Variants in USP36 observed in about 807,000 individuals in gnomAD.
The protein encoded by USP36 is ubiquitin carboxyl-terminal hydrolase 36.
A neutral mutation model predicts 111.5 loss-of-function variants in USP36; 59 were observed. The observed-to-expected ratio is 0.53, with a 90% CI of 0.43 to 0.66. USP36 has a LOEUF of 0.66. Ranked by LOEUF, USP36 falls within the 30% of genes least tolerant of loss-of-function variation. The pLI is 0.00. For synonymous variants in USP36, 628 were observed against 581.0 expected (o/e 1.08, Z -1.16); for missense variants, 1,488 against 1,468.0 (o/e 1.01, Z -0.22).
At position 78,802,378 on chromosome 17, in the gene USP36, C is replaced by A; in HGVS notation, c.2968G>T (p.Glu990Ter). 1 of 1,606,760 alleles carries A rather than the reference C, an allele frequency of 6.2e-7. No individual in the cohort carries two copies. Among genetic ancestry groups the A allele is most frequent in the Non-Finnish European group, 8.5e-7 (1 of 1,176,872 alleles). Residue 990 changes from glutamate to a stop codon, truncating the protein, a stop_gained, in exon 17 of 21, where the codon GAG (glutamate) becomes TAG (stop). Coordinates refer to ENST00000449938, the MANE Select transcript of USP36 (RefSeq NM_001385174.1). LOFTEE classifies it high-confidence loss of function. ...GCGGATGGTGCGCAGCTGCTGGACTCGGGGACAACAGCATCTTGGGGCTTG... is the reference window on the plus strand; with the variant it reads ...GCGGATGGTGCGCAGCTGCTGGACTAGGGGACAACAGCATCTTGGGGCTTG... ...SAKPQDAVVP[E>*]SSSCAPSANG...
In USP36 at chr17:78,836,358, T is replaced by C. The variant is rs1163430359; in HGVS notation, c.6A>G (p.Pro2=). Reference sequence around the variant, plus strand: ...GGGCCTCCTTCAACTTATCCACTATTGGCATGGTGCATCACTGTGGGGACA... The same window carrying C: ...GGGCCTCCTTCAACTTATCCACTATCGGCATGGTGCATCACTGTGGGGACA... M[P]IVDKLKEALK... Residue 2 remains proline (P), a synonymous_variant, in exon 3 of 21, where the codon CCA becomes CCG. Coordinates refer to ENST00000449938, the MANE Select transcript of USP36 (RefSeq NM_001385174.1). 1.2e-6 allele frequency: 2 copies of C among 1,613,924 alleles called. No individual in the cohort carries two copies. The highest frequency in any genetic ancestry group is 1.7e-6 in the Non-Finnish European group (2 of 1,179,992).
rs776618341 is a variant in USP36 at position 78,803,561 on chromosome 17, G to A, written c.2634C>T (p.Gly878=). The part of the protein sequence containing the change: ...QPGSPMYRRE[G]QAQLPAVRRQ... ...GTCTGACAGCGGGCAGCTGTGCCTG[G>A]CCCTCCCTCCTGTACATGGGGCTCC... is the stretch of plus-strand genomic sequence containing the variant. The change falls in exon 16 of 21, where the codon GGC becomes GGT. Residue 878 remains glycine (G), a synonymous_variant. Transcript: ENST00000449938. The surrounding 1 kb of genome is among the most constrained non-coding windows in gnomAD (Gnocchi z 4.6). The A allele has an allele frequency of 1.2e-6, 2 of 1,613,320 alleles. No homozygotes were observed. Among genetic ancestry groups the A allele is most frequent in the South Asian group, 2.2e-5 (2 of 91,074 alleles).
At chr17:78,811,170 G>GAC (rs1464249427) in intron 13 of USP36, among the ~76,000 whole-genome samples, 6 of 137,658 alleles carry the variant, frequency 4.4e-5, no homozygotes, top group Non-Finnish European at 7.8e-5. Flanking sequence ...CAGTCATCAA[G>GAC]AGGGTCCACC....
In USP36 at chr17:78,807,305, G is replaced by C. The variant is rs753827258; in HGVS notation, c.1739C>G (p.Ser580Cys). 2.5e-6 allele frequency: 4 copies of C among 1,614,072 alleles called. No individual in the cohort carries two copies. Among genetic ancestry groups the C allele is most frequent in the African/African-American group, 1.3e-5 (1 of 74,940 alleles). Residue 580 changes from serine (S) to cysteine (C), a missense_variant, in exon 14 of 21, where the codon TCT (serine) becomes TGT (cysteine). By Grantham distance (112) the Ser-to-Cys change is moderately radical. Around this residue, in one of 3 missense-constraint regions of USP36, gnomAD observed 1,073 missense variants for 994.1 expected, o/e 1.08. Coordinates refer to ENST00000449938, the MANE Select transcript of USP36 (RefSeq NM_001385174.1). ...TGTAGCCAGGAGCTTAGGTGAGGTAGAGAGGACAACATCCCTGCTGTCCCA... is the reference window on the plus strand; with the variant it reads ...TGTAGCCAGGAGCTTAGGTGAGGTACAGAGGACAACATCCCTGCTGTCCCA... ...GSWDSRDVVL[S>C]TSPKLLATAT...
intron 13 of USP36, among the ~76,000 whole-genome samples, chr17:78,811,174 G>T (rs2094046274): frequency 6.6e-6 from 1 of 150,590 alleles, no homozygotes; most frequent in Non-Finnish European, 1.5e-5. Context: ...CATCAAGAGG[G>T]TCCACCCCAC....
chr17:78,819,148 A>G (rs2094257372), intron 9 of USP36: 1 of 194,464 alleles, frequency 5.1e-6, no homozygotes, highest in Non-Finnish European at 1.1e-5. Context: ...AAGCAAAGCT[A>G]GAAGATGCGC....
At chr17:78,820,632 A>G (rs1470539159) in intron 8 of USP36, among the ~76,000 whole-genome samples, 1 of 152,178 alleles carries the variant, frequency 6.6e-6, no homozygotes, top group Non-Finnish European at 1.5e-5. Flanking sequence ...AGGATGTGCG[A>G]CAAAGCCAAG....
intron 4 of USP36, 95 bp from the exon 5 acceptor site, chr17:78,829,102 C>T: frequency 8.2e-6 from 9 of 1,098,504 alleles, no homozygotes; most frequent in Non-Finnish European, 1.0e-5. Flanking sequence ...GCCAGAAACA[C>T]AAGCAGGTAA....
chr17:78,832,701 A>G (rs546173418), intron 4 of USP36, among the ~76,000 whole-genome samples: 11 of 152,350 alleles, frequency 7.2e-5, no homozygotes, highest in African/African-American at 2.4e-4. Context: ...ACAGTGGAAG[A>G]GCCCTGACAG....
intron 8 of USP36, 56 bp from the exon 9 acceptor site, chr17:78,820,068 A>C: frequency 6.4e-7 from 1 of 1,570,234 alleles, no homozygotes; most frequent in Non-Finnish European, 8.7e-7. Context: ...AGGCTGATTC[A>C]AGAAATGCCA....
intron 13 of USP36, among the ~76,000 whole-genome samples, chr17:78,810,633 T>A (rs917525652): frequency 1.3e-5 from 2 of 152,158 alleles, no homozygotes; most frequent in African/African-American, 4.8e-5. Flanking sequence ...AACTTTGCAA[T>A]TATATCATGT....
At chr17:78,801,258 G>A (rs2093736214) in intron 17 of USP36, among the ~76,000 whole-genome samples, 1 of 152,194 alleles carries the variant, frequency 6.6e-6, no homozygotes, top group African/African-American at 2.4e-5. Flanking sequence ...TTACAGGCGT[G>A]AGCCACCACC....
At chr17:78,819,793 A>G in intron 9 of USP36, 137 bp downstream of exon 9, 1 of 818,004 alleles carries the variant, frequency 1.2e-6, no homozygotes, top group Non-Finnish European at 2.0e-6. Flanking sequence ...TTGAGTTTTT[A>G]GGACACACAT....
intron 4 of USP36, among the ~76,000 whole-genome samples, chr17:78,834,417 C>G: frequency 6.6e-6 from 1 of 151,962 alleles, no homozygotes; most frequent in East Asian, 1.9e-4. Context: ...ATAGAGCACA[C>G]CACCACATCC....
At chr17:78,833,074 G>A (rs1323934732) in intron 4 of USP36, among the ~76,000 whole-genome samples, 1 of 152,126 alleles carries the variant, frequency 6.6e-6, no homozygotes, top group African/African-American at 2.4e-5. Context: ...CTTGAACACA[G>A]GAGGCGGGGG....
In USP36 at chr17:78,818,765, C is replaced by T. The variant is rs2094247105; in HGVS notation, c.925G>A (p.Val309Ile). The T allele has an allele frequency of 6.2e-7, 1 of 1,613,908 alleles. No homozygotes were observed. ...AYMCAKCKKK[V>I]PASKRFTIHR... ...ATGGTGAAGCGCTTGCTGGCTGGAA[C>T]CTTCTTCTTGCATCTATGAAGAAGG... The change falls in exon 10 of 21, where the codon GTT (valine) becomes ATT (isoleucine). Residue 309 changes from valine (V) to isoleucine (I), a missense_variant. Physicochemically the swap from Val to Ile is conservative, Grantham distance 29. This residue lies in a region of USP36 where 196 missense variants were observed against 264.4 expected (regional missense o/e 0.74). Transcript: ENST00000449938.
At position 78,807,181 on chromosome 17, in the gene USP36, G is replaced by A. The variant is rs35820493; in HGVS notation, c.1863C>T (p.Ser621=). 62,125 of 1,614,094 alleles carry A rather than the reference G, an allele frequency of 0.038. 1,378 individuals carry two copies. The highest frequency in any genetic ancestry group is 0.045 in the Non-Finnish European group (53,068 of 1,179,984). ...SSSSPEHSAS[S]DSTKAPQTPR... ...GGGTCTGGGGGGCCTTGGTGGAGTC[G>A]CTGCTGGCCGAGTGCTCTGGGCTGG... is the stretch of plus-strand genomic sequence containing the variant. The change falls in exon 14 of 21, where the codon AGC becomes AGT. Residue 621 remains serine, a synonymous_variant. Coordinates refer to ENST00000449938, the MANE Select transcript of USP36 (RefSeq NM_001385174.1).
At chr17:78,821,883 T>C (rs1202825638) in intron 7 of USP36, 54 bp downstream of exon 7, 2 of 1,603,382 alleles carry the variant, frequency 1.2e-6, no homozygotes, top group African/African-American at 1.3e-5. Flanking sequence ...TAGGGTTTCC[T>C]GGGTTCATGT....
intron 1 of USP36, 151 bp downstream of exon 1, chr17:78,840,585 C>A (rs2069195927): frequency 1.3e-5 from 2 of 152,254 alleles, no homozygotes; most frequent in South Asian, 4.1e-4. Context: ...TCCTCGGGGA[C>A]GGCCGAAGCC....
Sources: allele counts gnomAD v4.1 joint callset (sites outside exome capture counted in the v4.1 genomes callset), GRCh38; gene constraint gnomAD v4.1.1; regional missense constraint gnomAD v4.1.1; non-coding constraint Gnocchi (gnomAD v3.1); transcripts MANE v1.5; gene names NCBI Gene and HGNC (gene_info 2026-07-23, HGNC 2026-07-21).